MUC4: variants seen among roughly 807,000 people sequenced by gnomAD.
MUC4 encodes mucin 4, cell surface associated.
A neutral mutation model predicts 257.9 loss-of-function variants in MUC4; 202 were observed. The observed-to-expected ratio is 0.78, with a 90% CI of 0.70 to 0.88. MUC4 has a LOEUF of 0.88. MUC4 is among the 40% of genes least tolerant of loss of function. The pLI is 0.00. For missense variants in MUC4, 5,976 were observed against 6,513.7 expected (o/e 0.92, Z 2.84); for synonymous variants, 2,351 against 2,757.1 (o/e 0.85, Z 4.62).
rs1377755787 is a variant in MUC4, at chr3:195,778,392, G to A, written c.12854C>T (p.Thr4285Ile). 1.5e-5 allele frequency: 24 copies of A among 1,613,192 alleles called. No homozygotes were observed. Among genetic ancestry groups the A allele is most frequent in the Non-Finnish European group, 1.9e-5 (23 of 1,179,928 alleles). ...GGTGGAAATGATGGTCTGGGAGGTT[G>A]TGGGGGGTGGTGATGTGGCTGTGCG... is the stretch of plus-strand genomic sequence containing the variant. ...GRRTATSPPPTTSQTIISTIP... is the reference protein window; with the variant it reads ...GRRTATSPPPITSQTIISTIP... The change falls in exon 3 of 25, where the codon ACA (threonine) becomes ATA (isoleucine). Residue 4285 changes from threonine (T) to isoleucine (I), a missense_variant. Coordinates refer to ENST00000463781, the MANE Select transcript of MUC4 (RefSeq NM_018406.7).
Position 195,779,595 on chromosome 3 carries a change from TGTGGATA to T in MUC4, c.11978_11984del (p.Val3993GlufsTer264). On this transcript the variant is annotated frameshift_variant, in exon 2 of 25. Coordinates refer to ENST00000463781, the MANE Select transcript of MUC4 (RefSeq NM_018406.7). LOFTEE classifies it high-confidence loss of function. ...TGACAGGAAGAGGGGTGGCGTGACC[TGTGGATA>T]CTGAGGAAGTGTCGGTGACAGGAAG... The T allele has an allele frequency of 7.2e-7, 1 of 1,383,638 alleles. No homozygotes were observed. 85.7% of individuals were successfully genotyped at this position (1,383,638 alleles called of 1,614,324 possible).
rs534260673 is a variant in MUC4 at position 195,778,892 on chromosome 3, G to C, written c.12688C>G (p.Leu4230Val). 1.6e-5 allele frequency: 22 copies of C among 1,368,000 alleles called. No homozygotes were observed. In the African/African-American group the frequency reaches 4.3e-4, roughly 27 times the overall value. The allele number at this position is 1,368,000 out of a possible 1,614,324, so 84.7% of individuals were successfully genotyped here. The change falls in exon 2 of 25, where the codon CTT becomes GTT. Residue 4230 changes from leucine to valine, a missense_variant. Leu to Val is a conservative substitution (Grantham distance 32, BLOSUM62 1). This residue lies in a region of MUC4 where 22 missense variants were observed against 64.1 expected (regional missense o/e 0.34). Coordinates refer to ENST00000463781, the MANE Select transcript of MUC4 (RefSeq NM_018406.7). ...GCGTGACCTGTGGATACTGAGGAAAGGCTGGTGACAGGAAGAGGGGTGGCG... is the reference window on the plus strand; with the variant it reads ...GCGTGACCTGTGGATACTGAGGAAACGCTGGTGACAGGAAGAGGGGTGGCG... The part of the protein sequence containing the change: ...GHATPLPVTS[L>V]SSVSTGHATP...
At chr3:195,797,806 T>G (rs1413116709) in intron 1 of MUC4, among the ~76,000 whole-genome samples, 3 of 152,050 alleles carry the variant, frequency 2.0e-5, no homozygotes, top group Non-Finnish European at 4.4e-5. Flanking sequence ...AATCAAAATT[T>G]TAAAAATAAT....
chr3:195,759,918 A>AACACACACACACACACGCATGCACGC (rs1553855197), intron 16 of MUC4, among the ~76,000 whole-genome samples: 3 of 149,738 alleles, frequency 2.0e-5, no homozygotes, highest in Non-Finnish European at 4.4e-5. Flanking sequence ...AAACTCCGTC[A>AACACACACACACACACGCATGCACGC]ACACACACAC....
Position 195,788,655 on chromosome 3 carries a change from G to C in MUC4, c.2925C>G (p.Thr975=), listed in dbSNP as rs1313409194. The C allele has an allele frequency of 1.5e-5, 24 of 1,611,258 alleles. No homozygotes were observed. Among genetic ancestry groups the C allele is most frequent in the African/African-American group, 2.7e-5 (2 of 74,898 alleles). ...TFTTALISNA[T]PLPVTYASSA... ...AGGAAGCGTAGGTGACAGGAAGAGG[G>C]GTGGCGTTGCTGATGAGGGCCGTGG... The change falls in exon 2 of 25, where the codon ACC becomes ACG. Residue 975 remains threonine (T), a synonymous_variant. Coordinates refer to ENST00000463781, the MANE Select transcript of MUC4 (RefSeq NM_018406.7).
At position 195,746,871 on chromosome 3, in the gene MUC4, C is replaced by T. The variant is rs1413284475; in HGVS notation, c.*305G>A. 7 of 463,956 alleles carry T rather than the reference C, an allele frequency of 1.5e-5. No homozygotes were observed. The highest frequency in any genetic ancestry group is 1.4e-4 in the African/African-American group (7 of 50,278). 28.7% of individuals were successfully genotyped at this position (463,956 alleles called of 1,614,324 possible). On this transcript the variant is annotated 3_prime_UTR_variant, in exon 25 of 25. Transcript: ENST00000463781. ...CATTTTGCTTAACTTAGGGCCATCA[C>T]CACATTATGAACTCGTGTGTGTGTG...
At position 195,760,868 on chromosome 3, in the gene MUC4, G is replaced by T. The variant is rs1310911486; in HGVS notation, c.14848+16C>A. 30 of 1,611,938 alleles carry T rather than the reference G, an allele frequency of 1.9e-5. No individual in the cohort carries two copies. Among genetic ancestry groups the T allele is most frequent in the Non-Finnish European group, 2.5e-5 (30 of 1,178,538 alleles). ...CCCGACTCTGAAAAGGCCTCCCCAG[G>T]CCTCGGGCCACTTACTGAGGGTGGC... is the stretch of plus-strand genomic sequence containing the variant. On this transcript the variant is annotated intron_variant, in intron 16 of 24. Transcript: ENST00000463781.
Position 195,763,718 on chromosome 3 carries a change from C to G in MUC4, c.14045-77G>C, listed in dbSNP as rs76968639. The G allele has an allele frequency of 2.8e-4, 375 of 1,344,138 alleles. 1 individual carries two copies. The East Asian group carries it at 9.1e-3, about 33-fold the overall frequency. 83.3% of individuals were successfully genotyped at this position (1,344,138 alleles called of 1,614,324 possible). ...TGAGGTTCCTCACTGCAGTCAGGTG[C>G]GGCACTTGTCCAGGAGGACTCAGGG... On this transcript the variant is annotated intron_variant, in intron 11 of 24. Coordinates refer to ENST00000463781, the MANE Select transcript of MUC4 (RefSeq NM_018406.7).
At position 195,747,052 on chromosome 3, in the gene MUC4, T is replaced by C; in HGVS notation, c.*124A>G. ...TTGTCTTGATTCCCAGTATTCATTC[T>C]CCTTGAAGAATCCTGACAGCCTTCA... is the stretch of plus-strand genomic sequence containing the variant. On this transcript the variant is annotated 3_prime_UTR_variant, in exon 25 of 25. Transcript: ENST00000463781. 7.6e-7 allele frequency: 1 copy of C among 1,310,524 alleles called. No individual in the cohort carries two copies. Among genetic ancestry groups the C allele is most frequent in the Non-Finnish European group, 1.1e-6 (1 of 927,614 alleles). 81.2% of individuals were successfully genotyped at this position (1,310,524 alleles called of 1,614,324 possible). A position where few individuals can be genotyped will look rare whatever the true frequency, so the allele number is the denominator to read the frequency against.
chr3:195,747,529 G>T, intron 24 of MUC4, 149 bp from the exon 25 acceptor site: 1 of 989,638 alleles, frequency 1.0e-6, no homozygotes, highest in Non-Finnish European at 1.5e-6. Flanking sequence ...AGGCCGTGCT[G>T]AAGTGAGACC....
intron 3 of MUC4, among the ~76,000 whole-genome samples, chr3:195,775,850 C>A (rs1289676022): frequency 5.2e-5 from 6 of 115,694 alleles, no homozygotes; most frequent in African/African-American, 1.1e-4. Context: ...CACACCCATA[C>A]CTTCCACGGC....
intron 1 of MUC4, among the ~76,000 whole-genome samples, chr3:195,797,928 A>C (rs946623580): frequency 2.6e-5 from 4 of 152,158 alleles, no homozygotes; most frequent in Non-Finnish European, 5.9e-5. Context: ...TAACATAGCA[A>C]GATCCTGTCT....
intron 6 of MUC4, chr3:195,769,382 T>C: frequency 1.9e-6 from 1 of 533,866 alleles, no homozygotes; most frequent in Non-Finnish European, 3.3e-6. Flanking sequence ...TTTTGGTGAC[T>C]TTCTTCCAGG....
chr3:195,794,741 C>T (rs79467477), intron 1 of MUC4, among the ~76,000 whole-genome samples: 6,410 of 152,272 alleles, frequency 0.042, 450 homozygotes, highest in African/African-American at 0.14. Flanking sequence ...AATTCAGCTT[C>T]AAGTCCACTT....
Position 195,765,052 on chromosome 3 carries a change from G to A in MUC4, c.13869C>T (p.Tyr4623=), listed in dbSNP as rs139017627. 42 of 1,613,824 alleles carry A rather than the reference G, an allele frequency of 2.6e-5. No homozygotes were observed. The highest frequency in any genetic ancestry group is 1.7e-4 in the African/African-American group (13 of 74,906). Residue 4623 remains tyrosine (Y), a synonymous_variant, in exon 10 of 25, where the codon TAC becomes TAT. Coordinates refer to ENST00000463781, the MANE Select transcript of MUC4 (RefSeq NM_018406.7). ...TSWRGGVCCS[Y]GPWGEFREGW... is the part of the protein sequence containing the mutation. ...CTTCACGAAACTCTCCCCAGGGCCC[G>A]TAGCTGCAGCACACGCCTCCTCGCC...
intron 19 of MUC4, 153 bp from the exon 20 acceptor site, chr3:195,753,383 G>A: frequency 2.8e-6 from 2 of 705,100 alleles, no homozygotes; most frequent in Non-Finnish European, 4.7e-6. Context: ...CCTTTTCCAG[G>A]CGTTTCTCTG....
intron 1 of MUC4, among the ~76,000 whole-genome samples, chr3:195,792,626 A>T (rs1236391069): frequency 6.6e-6 from 1 of 152,254 alleles, no homozygotes; most frequent in Non-Finnish European, 1.5e-5. Context: ...CAATCCCATT[A>T]CTGGGTATAT....
chr3:195,764,930 A>G, intron 10 of MUC4, 67 bp downstream of exon 10: 1 of 1,583,904 alleles, frequency 6.3e-7, no homozygotes, highest in Non-Finnish European at 8.6e-7. Context: ...AATGAGGACG[A>G]GAGGCTTCAT....
chr3:195,782,281 C>A lies in MUC4; in HGVS notation c.9299G>T (p.Gly3100Val). The change falls in exon 2 of 25, where the codon GGT (glycine) becomes GTT (valine). Residue 3100 changes from glycine to valine, a missense_variant. Gly to Val is a moderately radical substitution (Grantham distance 109). Around this residue, in one of 44 missense-constraint regions of MUC4, gnomAD observed 128 missense variants for 104.8 expected, o/e 1.22. Coordinates refer to ENST00000463781, the MANE Select transcript of MUC4 (RefSeq NM_018406.7). ...AGTGACAGGAAGAGGCGTGGTGTCA[C>A]CTGTGGATACTGAGGAAAGGCTGGT... ...PVTSLSSVST[G>V]DTTPLPVTSP... The A allele has an allele frequency of 6.5e-7, 1 of 1,535,318 alleles. No individual in the cohort carries two copies. The highest frequency in any genetic ancestry group is 8.8e-7 in the Non-Finnish European group (1 of 1,140,100).
Sources: gnomAD v4.1 joint callset for allele counts (sites outside exome capture counted in the v4.1 genomes callset) on GRCh38, gnomAD v4.1.1 for gene constraint, gnomAD v4.1.1 regional missense constraint, MANE v1.5 for transcripts, NCBI Gene and HGNC (gene_info 2026-07-23, HGNC 2026-07-21) for gene names.